Variants in MGST1 observed in about 807,000 individuals in gnomAD.
The protein encoded by MGST1 is glutathione S-transferase 12.
A neutral mutation model predicts 8.9 loss-of-function variants in MGST1; 5 were observed. The ratio of observed to expected loss-of-function variants is 0.56; its 90% CI spans 0.29 to 1.19. The LOEUF is 1.19. Among genes scored for constraint, MGST1 ranks in the 50% most tolerant of loss-of-function variants. MGST1 has a pLI of 0.08. For synonymous variants in MGST1, 54 were observed against 67.8 expected (o/e 0.80, Z 1.00); for missense variants, 182 against 187.4 (o/e 0.97, Z 0.17).
intron 4 of MGST1, among the ~76,000 whole-genome samples, chr12:16,525,082 G>A (rs900406223): frequency 7.9e-5 from 12 of 151,694 alleles, no homozygotes; most frequent in Non-Finnish European, 1.5e-4. Flanking sequence ...TATTCCTGAT[G>A]TGAAATAGAA....
chr12:16,370,997 A>G (rs1176360192), intron 3 of MGST1, among the ~76,000 whole-genome samples: 3 of 152,174 alleles, frequency 2.0e-5, no homozygotes, highest in Non-Finnish European at 4.4e-5. Context: ...CACCAATGTG[A>G]TGTCACCAAA....
exon 4 of MGST1, chr12:16,376,649 T>C (rs1189813468): frequency 6.6e-6 from 1 of 152,200 alleles, no homozygotes; most frequent in East Asian, 1.9e-4. Context: ...ATTTGAATTC[T>C]AATTTAAAAA....
intron 4 of MGST1, chr12:16,550,215 A>G (rs1306507122): frequency 2.0e-5 from 3 of 152,278 alleles, no homozygotes; most frequent in African/African-American, 7.2e-5. Context: ...TTTCAGTGTC[A>G]TACATTTATT....
chr12:16,423,507 G>A (rs1940859592), intron 1 of MGST1, among the ~76,000 whole-genome samples: 1 of 148,104 alleles, frequency 6.8e-6, no homozygotes, highest in South Asian at 2.1e-4. Context: ...ATTTTAAAGT[G>A]AAACAAAAAA....
At chr12:16,590,067 C>G (rs1035973177), downstream of MGST1, among the ~76,000 whole-genome samples, 1 of 152,014 alleles carries the variant, frequency 6.6e-6, no homozygotes, top group Non-Finnish European at 1.5e-5. Context: ...ATATCCCAGC[C>G]CATTTTATAA....
chr12:16,513,514 G>C lies in MGST1; in HGVS notation n.483-76014G>C, dbSNP rs1941590646. 2.1e-6 allele frequency: 1 copy of C among 479,088 alleles called. No individual in the cohort carries two copies. Among genetic ancestry groups the C allele is most frequent in the African/African-American group, 2.0e-5 (1 of 50,556 alleles). 29.7% of individuals were successfully genotyped at this position (479,088 alleles called of 1,614,324 possible). On this transcript the variant is annotated intron_variant and non_coding_transcript_variant, in intron 4 of 4. Transcript: ENST00000538857. This position sits in a 1 kb window ranked among gnomAD's most constrained non-coding sequence, Gnocchi z 4.2. ...GACCCATGTGGAGATGGGACCACCA[G>C]ATCCCATCCTTGGAGTCACCGAAGG...
At chr12:16,542,239 A>C (rs1167014411) in intron 4 of MGST1, among the ~76,000 whole-genome samples, 1 of 152,238 alleles carries the variant, frequency 6.6e-6, no homozygotes. Context: ...AAGCTATGAA[A>C]TAGAAACCCT....
At chr12:16,370,959 GAAT>G (rs1940282226) in intron 3 of MGST1, among the ~76,000 whole-genome samples, 1 of 152,120 alleles carries the variant, frequency 6.6e-6, no homozygotes, top group Non-Finnish European at 1.5e-5. Flanking sequence ...TAATGTCTCA[GAAT>G]AATAATCTTT....
In MGST1 at chr12:16,413,258, C is replaced by G. The variant is rs1163419676; in HGVS notation, n.779-24130C>G. 6.6e-6 allele frequency among the ~76,000 whole-genome samples: 1 copy of G among 152,120 alleles called. No individual in the cohort carries two copies. The highest frequency in any genetic ancestry group is 1.5e-5 in the Non-Finnish European group (1 of 68,028). ...GCTGTGTTGCCATTTGGGCAACCAC[C>G]ACATACCACTTGTGTTGAGAAGCCA... On this transcript the variant is annotated intron_variant and non_coding_transcript_variant, in intron 1 of 1. Transcript: ENST00000359720. The surrounding 1 kb of genome is among the most constrained non-coding windows in gnomAD (Gnocchi z 4.0).
chr12:16,435,117 A>C (rs190471404), intron 1 of MGST1, among the ~76,000 whole-genome samples: 1 of 152,110 alleles, frequency 6.6e-6, no homozygotes, highest in East Asian at 1.9e-4. Flanking sequence ...CCAATGTACC[A>C]GGCTTTCTTT....
chr12:16,510,715 C>T (rs1941571315), intron 4 of MGST1, among the ~76,000 whole-genome samples: 1 of 152,146 alleles, frequency 6.6e-6, no homozygotes, highest in African/African-American at 2.4e-5. Context: ...TTAGGTCTTA[C>T]TACAGGCAAA....
chr12:16,525,252 G>A (rs538600281), intron 4 of MGST1, among the ~76,000 whole-genome samples: 2 of 148,606 alleles, frequency 1.3e-5, no homozygotes, highest in African/African-American at 2.5e-5. Context: ...CCACTAACTC[G>A]TCATCTAGCA....
At chr12:16,556,438 C>T (rs956756817) in intron 4 of MGST1, among the ~76,000 whole-genome samples, 1 of 152,142 alleles carries the variant, frequency 6.6e-6, no homozygotes, top group African/African-American at 2.4e-5. Flanking sequence ...GACAATCAAT[C>T]CTGAAAGGTT....
intron 3 of MGST1, among the ~76,000 whole-genome samples, chr12:16,375,425 C>T (rs1940362388): frequency 1.3e-5 from 2 of 152,188 alleles, no homozygotes; most frequent in South Asian, 2.1e-4. Context: ...CAATGCGTAT[C>T]CTATTGATGG....
Position 16,478,178 on chromosome 12 carries a change from T to C in MGST1, n.482+94574T>C, listed in dbSNP as rs534598620. On this transcript the variant is annotated intron_variant and non_coding_transcript_variant, in intron 4 of 4. Coordinates refer to the MGST1 transcript ENST00000538857. ...TCGAGTAGCTGGGACTATAGGCGCG[T>C]GCCACCACGCCCAGCTAATTTTTGT... Among the ~76,000 whole-genome samples, 155 of 152,116 alleles carry C rather than the reference T, an allele frequency of 1.0e-3. 4 individuals are homozygous for C. Among genetic ancestry groups the C allele is most frequent in the Admixed American group, 7.6e-3 (116 of 15,184 alleles).
chr12:16,418,371 GA>G (rs2137081392), intron 1 of MGST1, among the ~76,000 whole-genome samples: 1 of 152,210 alleles, frequency 6.6e-6, no homozygotes, highest in South Asian at 2.1e-4. Flanking sequence ...TTGAATGAGT[GA>G]AAAAACATCC....
At chr12:16,487,049 C>G (rs1331269247) in intron 4 of MGST1, among the ~76,000 whole-genome samples, 1 of 152,102 alleles carries the variant, frequency 6.6e-6, no homozygotes, top group South Asian at 2.1e-4. Flanking sequence ...AGAATTTCTC[C>G]TATAGGAATC....
chr12:16,427,225 T>A (rs1318356784), intron 1 of MGST1, among the ~76,000 whole-genome samples: 1 of 151,940 alleles, frequency 6.6e-6, no homozygotes, highest in Admixed American at 6.6e-5. Context: ...AATGTCCAAG[T>A]GAGAAGAGGT....
chr12:16,567,873 A>T (rs1394596661), intron 4 of MGST1, among the ~76,000 whole-genome samples: 1 of 152,184 alleles, frequency 6.6e-6, no homozygotes, highest in Admixed American at 6.5e-5. Flanking sequence ...AAGCCCACTC[A>T]GAGGGCTCAC....
Sources: gnomAD v4.1 joint callset for allele counts (sites outside exome capture counted in the v4.1 genomes callset) on GRCh38, gnomAD v4.1.1 for gene constraint, Gnocchi (gnomAD v3.1) non-coding constraint, MANE v1.5 for transcripts, NCBI Gene and HGNC (gene_info 2026-07-23, HGNC 2026-07-21) for gene names.